The following AGPAT3 variants were observed in gnomAD, a reference collection of about 807,000 sequenced individuals.
AGPAT3 encodes 1-acylglycerol-3-phosphate O-acyltransferase 3, also known as 1-acyl-sn-glycerol-3-phosphate acyltransferase gamma.
Under a neutral mutation model 47.3 loss-of-function variants are expected in AGPAT3, and 5 were observed. That is an observed-to-expected ratio of 0.11 (90% CI 0.06 to 0.22). The LOEUF (loss-of-function observed/expected upper bound fraction) is 0.22. AGPAT3 is among the 10% of genes least tolerant of loss of function. AGPAT3 has a pLI of 1.00. For synonymous variants in AGPAT3, 212 were observed against 208.3 expected (o/e 1.02, Z -0.15); for missense variants, 315 against 493.0 (o/e 0.64, Z 3.42).
chr21:43,884,269 C>T (rs1171281901), intron 1 of AGPAT3, among the ~76,000 whole-genome samples: 2 of 138,886 alleles, frequency 1.4e-5, no homozygotes, highest in Non-Finnish European at 3.1e-5. Flanking sequence ...CCCCTCCTTC[C>T]CCCTCCTCCT....
chr21:43,960,051 C>T, intron 3 of AGPAT3, among the ~76,000 whole-genome samples, 192 bp downstream of exon 3: 1 of 152,194 alleles, frequency 6.6e-6, no homozygotes, highest in Non-Finnish European at 1.5e-5. Flanking sequence ...TGTGACGTGC[C>T]ACTCTCACCA....
At chr21:43,942,644 G>T (rs1288064057) in intron 2 of AGPAT3, among the ~76,000 whole-genome samples, 1 of 152,238 alleles carries the variant, frequency 6.6e-6, no homozygotes, top group Non-Finnish European at 1.5e-5. Context: ...TTCTTAATGG[G>T]CAGCAGGGGC....
rs563293849 is a variant in AGPAT3, at chr21:43,909,769, G to A, written c.-49+5750G>A. Among the ~76,000 whole-genome samples, 35 of 152,342 alleles carry A rather than the reference G, an allele frequency of 2.3e-4. No homozygotes were observed. The Middle Eastern group carries it at 0.014, about 59-fold the overall frequency. On this transcript the variant is annotated intron_variant, in intron 2 of 9. Coordinates refer to ENST00000291572, the MANE Select transcript of AGPAT3 (RefSeq NM_020132.5). Reference sequence around the variant, plus strand: ...GCCTGCAGGCCGGCTGTGGATCTCCGAGAAGCCACTGGGTGGGACTTTGTT... The same window carrying A: ...GCCTGCAGGCCGGCTGTGGATCTCCAAGAAGCCACTGGGTGGGACTTTGTT...
At chr21:43,891,530 G>A (rs1004295018) in intron 1 of AGPAT3, among the ~76,000 whole-genome samples, 1 of 152,064 alleles carries the variant, frequency 6.6e-6, no homozygotes, top group African/African-American at 2.4e-5. Context: ...CTACTCAAGA[G>A]GCTGAGGAAG....
intron 7 of AGPAT3, among the ~76,000 whole-genome samples, chr21:43,973,206 G>T (rs2089467676): frequency 6.6e-6 from 1 of 152,260 alleles, no homozygotes; most frequent in African/African-American, 2.4e-5. Context: ...GGGGCCACGA[G>T]CTGAGAGTTC....
At chr21:43,900,919 A>G (rs572424085) in intron 1 of AGPAT3, among the ~76,000 whole-genome samples, 27 of 152,284 alleles carry the variant, frequency 1.8e-4, no homozygotes, top group African/African-American at 6.5e-4. Flanking sequence ...TCCAGTGCCA[A>G]GTTCACAGGC....
intron 2 of AGPAT3, among the ~76,000 whole-genome samples, chr21:43,907,884 CCA>C (rs2086540702): frequency 6.6e-6 from 1 of 152,210 alleles, no homozygotes; most frequent in African/African-American, 2.4e-5. Context: ...CATGTTAAAG[CCA>C]CACGTTTGTC....
chr21:43,981,122 T>C lies in AGPAT3; in HGVS notation c.977T>C (p.Val326Ala), dbSNP rs762339195. Residue 326 changes from valine to alanine, a missense_variant, in exon 9 of 10, where the codon GTC becomes GCC. Transcript: ENST00000291572. This position sits in a 1 kb window ranked among gnomAD's most constrained non-coding sequence, Gnocchi z 5.3. ...TILLSPLFSF[V>A]LGVFASGSPL... is the part of the protein sequence containing the mutation. ...CTCCTGTCTCCCCTCTTCAGTTTTG[T>C]CTTGGGCGTCTTTGCCAGCGGATCA... The C allele has an allele frequency of 1.9e-6, 3 of 1,614,068 alleles. No homozygotes were observed. The highest frequency in any genetic ancestry group is 1.3e-5 in the African/African-American group (1 of 74,916).
At chr21:43,971,133 G>A (rs2089375745) in intron 6 of AGPAT3, among the ~76,000 whole-genome samples, 1 of 152,118 alleles carries the variant, frequency 6.6e-6, no homozygotes, top group African/African-American at 2.4e-5. Context: ...CAGACAGCAG[G>A]GTCACACTCA....
intron 1 of AGPAT3, among the ~76,000 whole-genome samples, chr21:43,870,582 G>C (rs974108255): frequency 2.0e-5 from 3 of 151,862 alleles, no homozygotes; most frequent in African/African-American, 7.3e-5. Flanking sequence ...AATTAACCAG[G>C]TGTGGTGGCG....
chr21:43,938,104 T>TCA (rs987062748), intron 2 of AGPAT3, among the ~76,000 whole-genome samples: 2 of 80,118 alleles, frequency 2.5e-5, no homozygotes, highest in African/African-American at 1.0e-4. Flanking sequence ...TCTCTCTCTC[T>TCA]CACACACACA....
At position 43,985,120 on chromosome 21, in the gene AGPAT3, T is replaced by C. The variant is rs1031226514; in HGVS notation, c.*2728T>C. 2.2e-6 allele frequency: 1 copy of C among 456,136 alleles called. No homozygotes were observed. The highest frequency in any genetic ancestry group is 2.0e-5 in the African/African-American group (1 of 50,074). The allele number at this position is 456,136 out of a possible 1,614,324, so 28.3% of individuals were successfully genotyped here. On this transcript the variant is annotated 3_prime_UTR_variant, in exon 10 of 10. Transcript: ENST00000291572. Reference sequence around the variant, plus strand: ...GTCAAGCTCCCAGCCTGGGCCGTGGTCTCCTGGGGACGCCGCTGGCCTCCC... The same window carrying C: ...GTCAAGCTCCCAGCCTGGGCCGTGGCCTCCTGGGGACGCCGCTGGCCTCCC...
rs1275460102 is a variant in AGPAT3, at chr21:43,877,958, C to T, written c.-112+12613C>T. Among the ~76,000 whole-genome samples the T allele has an allele frequency of 2.0e-5, 3 of 152,222 alleles. No homozygotes were observed. The East Asian group carries it at 5.8e-4, about 30-fold the overall frequency. On this transcript the variant is annotated intron_variant, in intron 1 of 9. Coordinates refer to ENST00000291572, the MANE Select transcript of AGPAT3 (RefSeq NM_020132.5). The stretch of plus-strand genomic sequence containing the variant: ...GACCCTCACGATTCCCCTTGCCCGC[C>T]TCCTGCCCCACCACCAGCCTCGCTT...
Position 43,959,843 on chromosome 21 carries a change from C to T in AGPAT3, c.162C>T (p.Ala54=), listed in dbSNP as rs1345203799. The change falls in exon 3 of 10, where the codon GCC becomes GCT. Residue 54 remains alanine, a synonymous_variant. Coordinates refer to ENST00000291572, the MANE Select transcript of AGPAT3 (RefSeq NM_020132.5). ...QLYRRLNCRL[A]YSLWSQLVML... ...ACCGCCGCCTCAACTGCCGCCTCGC[C>T]TACTCACTCTGGAGCCGTGAGTGTC... 1 of 1,608,864 alleles carries T rather than the reference C, an allele frequency of 6.2e-7. No homozygotes were observed. The highest frequency in any genetic ancestry group is 8.5e-7 in the Non-Finnish European group (1 of 1,179,550).
Position 43,970,839 on chromosome 21 carries a change from G to C in AGPAT3, c.664+33G>C. On this transcript the variant is annotated intron_variant, in intron 6 of 9. Transcript: ENST00000291572. The surrounding 1 kb of genome is among the most constrained non-coding windows in gnomAD (Gnocchi z 5.8). ...CCAGACTGCCCGAGCCGGGGCCACC[G>C]CTATGCTCACGGAAAATAGTGATTT... 1 of 1,480,566 alleles carries C rather than the reference G, an allele frequency of 6.8e-7. No individual in the cohort carries two copies. Among genetic ancestry groups the C allele is most frequent in the Non-Finnish European group, 9.0e-7 (1 of 1,114,656 alleles). The allele number at this position is 1,480,566 out of a possible 1,614,324, so 91.7% of individuals were successfully genotyped here.
chr21:43,907,982 C>T (rs933084340), intron 2 of AGPAT3, among the ~76,000 whole-genome samples: 16 of 152,218 alleles, frequency 1.1e-4, no homozygotes, highest in Non-Finnish European at 1.3e-4. Flanking sequence ...AGTCCCCACC[C>T]TCGTGGAAGC....
intron 1 of AGPAT3, among the ~76,000 whole-genome samples, chr21:43,868,207 G>A (rs974419313): frequency 6.6e-6 from 1 of 152,192 alleles, no homozygotes; most frequent in African/African-American, 2.4e-5. Flanking sequence ...CTTTCTGCAG[G>A]GCCAAAGTCT....
chr21:43,965,757 C>T (rs1203653858), intron 3 of AGPAT3: 1 of 150,826 alleles, frequency 6.6e-6, no homozygotes, highest in East Asian at 1.9e-4. Flanking sequence ...ATTACAGGTG[C>T]CTGCCACCAC....
chr21:43,963,819 C>G (rs1406376971), intron 3 of AGPAT3, among the ~76,000 whole-genome samples: 1 of 151,866 alleles, frequency 6.6e-6, no homozygotes, highest in Non-Finnish European at 1.5e-5. Context: ...TTTCTTACGG[C>G]AGGCAGCAGT....
Sources: allele counts gnomAD v4.1 joint callset (sites outside exome capture counted in the v4.1 genomes callset), GRCh38; gene constraint gnomAD v4.1.1; non-coding constraint Gnocchi (gnomAD v3.1); transcripts MANE v1.5; gene names NCBI Gene and HGNC (gene_info 2026-07-23, HGNC 2026-07-21).